Variants in DECR1 observed in about 807,000 individuals in gnomAD.
The protein encoded by DECR1 is 2,4-dienoyl-CoA reductase [(3E)-enoyl-CoA-producing], mitochondrial.
In DECR1, 44 loss-of-function variants were observed where a neutral mutation model predicts 38.8. That is an observed-to-expected ratio of 1.13 (90% confidence interval 0.89 to 1.46). The LOEUF is 1.46. Ranked by LOEUF, DECR1 falls within the 40% of genes most tolerant of loss-of-function variation. DECR1 has a pLI of 0.00. For missense variants in DECR1, 428 were observed against 405.5 expected (o/e 1.06, Z -0.48); for synonymous variants, 148 against 135.2 (o/e 1.09, Z -0.66).
chr8:90,020,856 A>G, intron 4 of DECR1, 53 bp from the exon 5 acceptor site: 4 of 1,429,488 alleles, frequency 2.8e-6, no homozygotes, highest in East Asian at 5.1e-5. Context: ...CCCTGCAGGG[A>G]AAATGTTTTT....
At chr8:90,045,170 G>A in intron 8 of DECR1, 175 bp downstream of exon 8, 1 of 444,240 alleles carries the variant, frequency 2.3e-6, no homozygotes, top group Non-Finnish European at 3.8e-6. Flanking sequence ...TTTATTCAGT[G>A]ATGTATTAGT....
In DECR1 at chr8:90,028,496, T is replaced by A. The variant is rs138412616; in HGVS notation, c.565+7440T>A. Among the ~76,000 whole-genome samples the A allele has an allele frequency of 2.2e-3, 340 of 152,260 alleles. 2 individuals carry two copies. Among genetic ancestry groups the A allele is most frequent in the African/African-American group, 7.0e-3 (293 of 41,564 alleles). On this transcript the variant is annotated intron_variant, in intron 5 of 9. Transcript: ENST00000220764. The stretch of plus-strand genomic sequence containing the variant: ...GTGTTGAGTCACATGGATTACTTTA[T>A]ACCAGAAAGCTAGAATTCCTTATAC...
chr8:90,017,233 A>G lies in DECR1; in HGVS notation c.179A>G (p.Lys60Arg). ...CTACCACCTAATAGTTTTCAAGGAA[A>G]AGTGGCATTCATTACTGGGGGAGGT... ...AMLPPNSFQGKVAFITGGGTG... is the reference protein window; with the variant it reads ...AMLPPNSFQGRVAFITGGGTG... The change falls in exon 2 of 10, where the codon AAA becomes AGA. Residue 60 changes from lysine to arginine, a missense_variant. Coordinates refer to ENST00000220764, the MANE Select transcript of DECR1 (RefSeq NM_001359.2). 2 of 1,614,210 alleles carry G rather than the reference A, an allele frequency of 1.2e-6. No homozygotes were observed. Among genetic ancestry groups the G allele is most frequent in the Non-Finnish European group, 8.5e-7 (1 of 1,180,022 alleles).
chr8:90,021,164 A>C, intron 5 of DECR1, 108 bp downstream of exon 5: 1 of 757,502 alleles, frequency 1.3e-6, no homozygotes, highest in Non-Finnish European at 1.9e-6. Context: ...CACTTGTACA[A>C]CTCACAGTGT....
chr8:90,019,019 A>C, intron 3 of DECR1, 53 bp downstream of exon 3: 1 of 1,582,348 alleles, frequency 6.3e-7, no homozygotes, highest in Admixed American at 1.7e-5. Flanking sequence ...AACATGTTCA[A>C]ATAATTTGTT....
intron 5 of DECR1, among the ~76,000 whole-genome samples, chr8:90,028,965 T>C (rs1813424724): frequency 6.6e-6 from 1 of 152,132 alleles, no homozygotes; most frequent in Non-Finnish European, 1.5e-5. Context: ...AACGCTCACA[T>C]TTACAGATGA....
At chr8:90,017,430 A>C (rs1473897200) in intron 2 of DECR1, 104 bp downstream of exon 2, 1 of 710,654 alleles carries the variant, frequency 1.4e-6, no homozygotes, top group East Asian at 2.8e-5. Context: ...TAGCATCTTA[A>C]TCTTATATGA....
chr8:90,020,130 G>A (rs940970306), intron 4 of DECR1, among the ~76,000 whole-genome samples: 5 of 152,166 alleles, frequency 3.3e-5, no homozygotes, highest in Non-Finnish European at 7.4e-5. Context: ...GAGAGAAGCC[G>A]TTTCTTCCAG....
intron 8 of DECR1, among the ~76,000 whole-genome samples, chr8:90,049,679 T>A (rs1432997513): frequency 6.6e-6 from 1 of 152,164 alleles, no homozygotes; most frequent in Non-Finnish European, 1.5e-5. Context: ...AAAACTACTT[T>A]TAAAGTTCAT....
intron 1 of DECR1, among the ~76,000 whole-genome samples, chr8:90,013,409 T>G (rs1023361756): frequency 1.3e-4 from 18 of 141,116 alleles, no homozygotes; most frequent in Non-Finnish European, 2.4e-4. Context: ...GTTTTTTTTT[T>G]TTTTTTTTTT....
intron 6 of DECR1, among the ~76,000 whole-genome samples, chr8:90,038,023 C>G (rs1246582599): frequency 6.6e-6 from 1 of 152,192 alleles, no homozygotes; most frequent in African/African-American, 2.4e-5. Flanking sequence ...GCATTCTAAA[C>G]AGACTTGTCT....
chr8:90,025,526 C>A (rs568932262), intron 5 of DECR1, among the ~76,000 whole-genome samples: 2 of 152,218 alleles, frequency 1.3e-5, no homozygotes, highest in Admixed American at 1.3e-4. Context: ...TTCTGTTTGT[C>A]TGTTATTGCT....
intron 1 of DECR1, among the ~76,000 whole-genome samples, chr8:90,011,616 T>G (rs1812884676): frequency 6.6e-6 from 1 of 152,196 alleles, no homozygotes; most frequent in Admixed American, 6.5e-5. Flanking sequence ...AGGTCTTTAA[T>G]TTCTTAATGA....
chr8:90,014,661 G>A (rs1812963167), intron 1 of DECR1, among the ~76,000 whole-genome samples: 1 of 152,126 alleles, frequency 6.6e-6, no homozygotes, highest in Non-Finnish European at 1.5e-5. Flanking sequence ...AATTTAAAAA[G>A]AAAGTTTGTA....
intron 1 of DECR1, chr8:90,015,691 G>A: frequency 2.2e-6 from 1 of 456,014 alleles, no homozygotes; most frequent in Non-Finnish European, 4.4e-6. Flanking sequence ...TTTAACTGGA[G>A]TGTTAATCTT....
rs1813142921 is a variant in DECR1, at chr8:90,020,981, A to T, written c.490A>T (p.Ile164Leu). Reference sequence around the variant, plus strand: ...ACTTTCTCCTAATGCTTGGAAAACCATAACTGACATAGTTCTAAATGGCAC... The same window carrying T: ...ACTTTCTCCTAATGCTTGGAAAACCTTAACTGACATAGTTCTAAATGGCAC... The part of the protein sequence containing the change: ...ERLSPNAWKT[I>L]TDIVLNGTAF... The change falls in exon 5 of 10, where the codon ATA becomes TTA. Residue 164 changes from isoleucine (I) to leucine (L), a missense_variant. Ile to Leu is a conservative substitution (Grantham distance 5, BLOSUM62 2). Coordinates refer to ENST00000220764, the MANE Select transcript of DECR1 (RefSeq NM_001359.2). 1 of 1,598,368 alleles carries T rather than the reference A, an allele frequency of 6.3e-7. No homozygotes were observed. The highest frequency in any genetic ancestry group is 8.5e-7 in the Non-Finnish European group (1 of 1,174,162).
intron 1 of DECR1, among the ~76,000 whole-genome samples, chr8:90,007,772 A>C (rs1416743843): frequency 6.6e-6 from 1 of 152,252 alleles, no homozygotes; most frequent in Non-Finnish European, 1.5e-5. Context: ...GGTAGAAAGC[A>C]TGCAATAGAT....
rs751242810 is a variant in DECR1, at chr8:90,019,082, G to A, written c.331-4G>A. On this transcript the variant is annotated splice_polypyrimidine_tract_variant and splice_region_variant and intron_variant, in intron 3 of 9. Coordinates refer to ENST00000220764, the MANE Select transcript of DECR1 (RefSeq NM_001359.2). ...AATGTCATATTCTTTTTGTTATTTT[G>A]CAGGTTCATGCAATTCAGTGTGATG... 1 of 1,613,278 alleles carries A rather than the reference G, an allele frequency of 6.2e-7. No homozygotes were observed. The highest frequency in any genetic ancestry group is 1.7e-5 in the Admixed American group (1 of 59,958).
chr8:90,002,996 A>T (rs1191984545), intron 1 of DECR1: 1 of 152,182 alleles, frequency 6.6e-6, no homozygotes, highest in Admixed American at 6.5e-5. Context: ...ATACAGTTTG[A>T]GAAGGAGAAA....
Sources: gnomAD v4.1 joint callset for allele counts (sites outside exome capture counted in the v4.1 genomes callset) on GRCh38, gnomAD v4.1.1 for gene constraint, MANE v1.5 for transcripts, NCBI Gene and HGNC (gene_info 2026-07-23, HGNC 2026-07-21) for gene names.